PPFIA2: variants seen among roughly 807,000 people sequenced by gnomAD.
The protein encoded by PPFIA2 is PPFI scaffold protein A2.
In PPFIA2, 46 loss-of-function variants were observed where a neutral mutation model predicts 175.5. The observed-to-expected ratio is 0.26, with a 90% confidence interval of 0.21 to 0.34. PPFIA2 has a LOEUF of 0.34. Among genes scored for constraint, PPFIA2 ranks in the 10% least tolerant of loss-of-function variants. The probability of loss-of-function intolerance (pLI) is 1.00; values close to 1 mark genes in which losing one functional copy is unlikely to be tolerated. For synonymous variants in PPFIA2, 568 were observed against 511.4 expected (o/e 1.11, Z -1.49); for missense variants, 1,179 against 1,506.1 (o/e 0.78, Z 3.60).
At chr12:81,612,796 G>A (rs2061058161) in intron 4 of PPFIA2, among the ~76,000 whole-genome samples, 1 of 152,098 alleles carries the variant, frequency 6.6e-6, no homozygotes, top group African/African-American at 2.4e-5. Flanking sequence ...TCATATATAT[G>A]TGTGTATGTA....
rs533382454 is a variant in PPFIA2, at chr12:81,660,519, C to G, written c.303+16272G>C. ...AGAAAAAAGAATAAAAAGAAAATAA[C>G]AAAGCCTCCAAGAAATATGGGACTA... On this transcript the variant is annotated intron_variant, in intron 4 of 32. Transcript: ENST00000549396. 9.8e-4 allele frequency among the ~76,000 whole-genome samples: 149 copies of G among 152,242 alleles called. No individual in the cohort carries two copies. The Middle Eastern group carries it at 0.027, about 28-fold the overall frequency.
At chr12:81,689,276 A>G (rs184282706) in intron 3 of PPFIA2, among the ~76,000 whole-genome samples, 8 of 152,154 alleles carry the variant, frequency 5.3e-5, no homozygotes, top group Admixed American at 5.2e-4. Context: ...CTAAATCATA[A>G]TAAGTTAATT....
At chr12:81,475,973 T>C (rs527242695) in intron 4 of PPFIA2, among the ~76,000 whole-genome samples, 1 of 152,262 alleles carries the variant, frequency 6.6e-6, no homozygotes, top group East Asian at 1.9e-4. Context: ...AGGACAGCAA[T>C]GTGGTAACTT....
At chr12:81,550,490 A>G (rs1208450088) in intron 4 of PPFIA2, among the ~76,000 whole-genome samples, 1 of 152,004 alleles carries the variant, frequency 6.6e-6, no homozygotes, top group Non-Finnish European at 1.5e-5. Context: ...TTTAAGTGAT[A>G]TATTTTGAAG....
chr12:81,477,689 A>C (rs1035036504), intron 4 of PPFIA2, among the ~76,000 whole-genome samples: 2 of 152,108 alleles, frequency 1.3e-5, no homozygotes, highest in African/African-American at 4.8e-5. Flanking sequence ...GGTTCTGTTT[A>C]TGTGATGAAT....
chr12:81,642,033 T>G (rs2153516225), intron 4 of PPFIA2, among the ~76,000 whole-genome samples: 1 of 152,276 alleles, frequency 6.6e-6, no homozygotes, highest in African/African-American at 2.4e-5. Context: ...CAATTCTAGT[T>G]ATCCAAGGCT....
intron 21 of PPFIA2, among the ~76,000 whole-genome samples, chr12:81,332,718 G>A (rs2056376733): frequency 6.6e-6 from 1 of 152,064 alleles, no homozygotes; most frequent in Non-Finnish European, 1.5e-5. Flanking sequence ...ACTCAATGAA[G>A]TATTTTTTGA....
intron 15 of PPFIA2, among the ~76,000 whole-genome samples, chr12:81,361,041 T>C (rs943637174): frequency 1.3e-5 from 2 of 151,710 alleles, no homozygotes; most frequent in Non-Finnish European, 3.0e-5. Flanking sequence ...TGTCTTATTC[T>C]TGGTCTAGGG....
intron 4 of PPFIA2, among the ~76,000 whole-genome samples, chr12:81,614,909 A>T (rs1394873974): frequency 1.3e-5 from 2 of 152,182 alleles, no homozygotes; most frequent in Non-Finnish European, 2.9e-5. Flanking sequence ...GTCTAATATC[A>T]CGTAACTAAT....
chr12:81,361,827 G>GT (rs1209815582), intron 15 of PPFIA2, among the ~76,000 whole-genome samples: 1 of 151,532 alleles, frequency 6.6e-6, no homozygotes, highest in East Asian at 1.9e-4. Context: ...AAAGCCTATG[G>GT]TAGTGGAAAG....
intron 4 of PPFIA2, among the ~76,000 whole-genome samples, chr12:81,529,952 T>C (rs933538047): frequency 1.3e-5 from 2 of 151,934 alleles, no homozygotes; most frequent in Non-Finnish European, 2.9e-5. Flanking sequence ...AACCTGCACA[T>C]GTACCCCTGA....
chr12:81,469,795 T>A (rs2056413686), intron 4 of PPFIA2, among the ~76,000 whole-genome samples: 1 of 152,128 alleles, frequency 6.6e-6, no homozygotes, highest in South Asian at 2.1e-4. Context: ...TGGTGGTATG[T>A]GGAGATGGGA....
intron 4 of PPFIA2, among the ~76,000 whole-genome samples, chr12:81,459,520 C>T (rs1297601933): frequency 1.3e-5 from 2 of 152,006 alleles, no homozygotes; most frequent in African/African-American, 4.8e-5. Flanking sequence ...TATCTCTAGG[C>T]AGTGAAATTA....
intron 4 of PPFIA2, among the ~76,000 whole-genome samples, chr12:81,649,513 C>A (rs1488932811): frequency 1.3e-5 from 2 of 152,098 alleles, no homozygotes; most frequent in Non-Finnish European, 2.9e-5. Context: ...CATTTTCTTA[C>A]AAAGTTAAAT....
chr12:81,747,290 T>C (rs1387648939), intron 3 of PPFIA2, among the ~76,000 whole-genome samples: 6 of 144,390 alleles, frequency 4.2e-5, no homozygotes, highest in Non-Finnish European at 3.1e-5. Context: ...AATTCAGTTA[T>C]AATCGCAGCA....
intron 8 of PPFIA2, among the ~76,000 whole-genome samples, chr12:81,387,093 C>T (rs1412605942): frequency 2.6e-5 from 4 of 152,018 alleles, no homozygotes; most frequent in Non-Finnish European, 5.9e-5. Context: ...ACCTTTCCTT[C>T]TACCACTTCA....
At chr12:81,753,563 A>G (rs1013676752) in intron 3 of PPFIA2, among the ~76,000 whole-genome samples, 14 of 152,022 alleles carry the variant, frequency 9.2e-5, no homozygotes, top group Admixed American at 2.0e-4. Flanking sequence ...CGAGACTTCC[A>G]AAGTACGGTC....
intron 4 of PPFIA2, among the ~76,000 whole-genome samples, chr12:81,498,906 A>G (rs967091250): frequency 3.9e-5 from 6 of 152,186 alleles, no homozygotes; most frequent in African/African-American, 1.4e-4. Flanking sequence ...TAGAGACGTG[A>G]GCCACCGTGC....
At chr12:81,711,045 C>T (rs1165034050) in intron 3 of PPFIA2, among the ~76,000 whole-genome samples, 1 of 151,074 alleles carries the variant, frequency 6.6e-6, no homozygotes, top group African/African-American at 2.4e-5. Flanking sequence ...AGCTTGGAAA[C>T]ATAGAGAGAC....
Sources: gnomAD v4.1 joint callset for allele counts (sites outside exome capture counted in the v4.1 genomes callset) on GRCh38, gnomAD v4.1.1 for gene constraint, MANE v1.5 for transcripts, NCBI Gene and HGNC (gene_info 2026-07-23, HGNC 2026-07-21) for gene names.